Variants in ASGR1 observed in about 807,000 individuals in gnomAD.
ASGR1 encodes the protein C-type lectin domain family 4 member H1.
In ASGR1, 35 loss-of-function variants were observed where a neutral mutation model predicts 33.1. The ratio of observed to expected loss-of-function variants is 1.06; its 90% CI spans 0.81 to 1.40. ASGR1 has a LOEUF of 1.40. Among genes scored for constraint, ASGR1 ranks in the 40% most tolerant of loss-of-function variants. The pLI, the probability that ASGR1 is intolerant of heterozygous loss-of-function variation, is 0.00. For missense variants in ASGR1, 396 were observed against 373.7 expected (o/e 1.06, Z -0.49); for synonymous variants, 142 against 152.5 (o/e 0.93, Z 0.51).
Position 7,173,500 on chromosome 17 carries a change from G to A in ASGR1, c.*159C>T, listed in dbSNP as rs1024179274. ...TGATAACCTGCAAACTGCAGAAAGC[G>A]CCACGGGTTTCAAGCTCCTCACCTT... is the stretch of plus-strand genomic sequence containing the variant. On this transcript the variant is annotated 3_prime_UTR_variant, in exon 9 of 9. Transcript: ENST00000269299. This position sits in a 1 kb window ranked among gnomAD's most constrained non-coding sequence, Gnocchi z 4.7. 6 of 990,766 alleles carry A rather than the reference G, an allele frequency of 6.1e-6. No homozygotes were observed. Among genetic ancestry groups the A allele is most frequent in the South Asian group, 5.1e-5 (3 of 59,044 alleles). The allele number at this position is 990,766 out of a possible 1,614,324, so 61.4% of individuals were successfully genotyped here. A position where few individuals can be genotyped will look rare whatever the true frequency, so the allele number is the denominator to read the frequency against.
At chr17:7,177,419 A>C in intron 2 of ASGR1, 93 bp from the exon 3 acceptor site, 2 of 1,014,746 alleles carry the variant, frequency 2.0e-6, no homozygotes, top group East Asian at 5.1e-5. Context: ...AGGCGGCCCT[A>C]GTAGTCTAGG....
rs752046089 is a variant in ASGR1 at position 7,173,959 on chromosome 17, A to C, written c.701+2T>G. On this transcript the variant is annotated splice_donor_variant, in intron 8 of 8. Coordinates refer to ENST00000269299, the MANE Select transcript of ASGR1 (RefSeq NM_001671.5). LOFTEE classifies it high-confidence loss of function. The surrounding 1 kb of genome is among the most constrained non-coding windows in gnomAD (Gnocchi z 4.7). ...CCAGGCCGAGGGAGGGCGCGCACTC[A>C]CTTGAAGCCCGTCTCGTAGTCCGTC... The C allele has an allele frequency of 6.2e-7, 1 of 1,614,106 alleles. No homozygotes were observed. Among genetic ancestry groups the C allele is most frequent in the Non-Finnish European group, 8.5e-7 (1 of 1,179,964 alleles).
At chr17:7,176,695 C>T (rs2069218113) in intron 5 of ASGR1, 135 bp downstream of exon 5, 5 of 1,325,880 alleles carry the variant, frequency 3.8e-6, no homozygotes, top group Admixed American at 4.0e-5. Flanking sequence ...CTCATTCTCA[C>T]ACACAGACTC....
intron 5 of ASGR1, among the ~76,000 whole-genome samples, chr17:7,175,993 CAT>C (rs911132386): frequency 6.8e-6 from 1 of 147,378 alleles, no homozygotes; most frequent in African/African-American, 2.6e-5. Flanking sequence ...TACACTGACA[CAT>C]TCTCACACAT....
rs752690563 is a variant in ASGR1 at position 7,177,286 on chromosome 17, G to A, written c.111C>T (p.Ser37=). The part of the protein sequence containing the change: ...PPQPLLQRLC[S]GPRLLLLSLG... ...GGGAGAGCAGGAGGAGGCGAGGTCC[G>A]GAGCAGAGACGCTGCAGGAGGGGCT... Residue 37 remains serine, a synonymous_variant, in exon 3 of 9, where the codon TCC becomes TCT. Coordinates refer to ENST00000269299, the MANE Select transcript of ASGR1 (RefSeq NM_001671.5). The A allele has an allele frequency of 5.0e-6, 8 of 1,613,762 alleles. No individual in the cohort carries two copies. The highest frequency in any genetic ancestry group is 5.1e-6 in the Non-Finnish European group (6 of 1,179,912).
chr17:7,177,468 C>A lies in ASGR1; in HGVS notation c.71-142G>T, dbSNP rs770742164. The stretch of plus-strand genomic sequence containing the variant: ...ATGAAGAAATGCGGGCGGTGGGCGA[C>A]CCTGCAGGGCCAGAGGCAACTGGAA... On this transcript the variant is annotated intron_variant, in intron 2 of 8. Transcript: ENST00000269299. 1.6e-5 allele frequency: 10 copies of A among 633,500 alleles called. 1 individual carries two copies. The highest frequency in any genetic ancestry group is 2.7e-5 in the Non-Finnish European group (10 of 366,682). The allele number at this position is 633,500 out of a possible 1,614,324, so 39.2% of individuals were successfully genotyped here.
chr17:7,177,633 C>T (rs773851501), intron 2 of ASGR1: 1 of 299,070 alleles, frequency 3.3e-6, no homozygotes, highest in Non-Finnish European at 6.2e-6. Context: ...ACCCCCTCCT[C>T]CCGCGCCTTG....
chr17:7,176,537 A>ACACC (rs761944355), intron 5 of ASGR1: 15 of 478,032 alleles, frequency 3.1e-5, no homozygotes, highest in Non-Finnish European at 7.1e-6. Context: ...CCACACACAC[A>ACACC]CCATCTCATT....
intron 1 of ASGR1, 61 bp from the exon 2 acceptor site, chr17:7,178,649 G>T: frequency 8.3e-7 from 1 of 1,202,150 alleles, no homozygotes; most frequent in Non-Finnish European, 1.2e-6. Context: ...GTGGGAATGA[G>T]GGGCCCATCT....
chr17:7,175,089 AGAC>A (rs2069180548), intron 5 of ASGR1, among the ~76,000 whole-genome samples: 1 of 144,450 alleles, frequency 6.9e-6, no homozygotes, highest in Admixed American at 6.9e-5. Context: ...CCACATACAC[AGAC>A]AACACACAAA....
At position 7,174,503 on chromosome 17, in the gene ASGR1, C is replaced by G. The variant is rs114113707; in HGVS notation, c.356-43G>C. On this transcript the variant is annotated intron_variant, in intron 5 of 8. Transcript: ENST00000269299. ...AGGGGAGCGGGAGGAGATGCGGAAA[C>G]CACGGGGAGGGAAACGGGAAACGAG... The G allele has an allele frequency of 2.2e-3, 3,484 of 1,586,044 alleles. 79 individuals are homozygous for G. In the African/African-American group the frequency reaches 0.041, roughly 19 times the overall value.
chr17:7,173,732 ACGTCGTCGTTCCAGCGGC>A lies in ASGR1; in HGVS notation c.785_802del (p.Gly262_Asp267del). 4 of 1,613,778 alleles carry A rather than the reference ACGTCGTCGTTCCAGCGGC, an allele frequency of 2.5e-6. No individual in the cohort carries two copies. The highest frequency in any genetic ancestry group is 3.4e-6 in the Non-Finnish European group (4 of 1,180,028). On this transcript the variant is annotated inframe_deletion, in exon 9 of 9. Transcript: ENST00000269299. This position sits in a 1 kb window ranked among gnomAD's most constrained non-coding sequence, Gnocchi z 4.7. The stretch of plus-strand genomic sequence containing the variant: ...GACCCAGCGGTAGGGCCTCTGGCAG[ACGTCGTCGTTCCAGCGGC>A]CGTCGTCGGTGAAGTGGGCACAGTC...
chr17:7,176,692 T>C (rs961135356), intron 5 of ASGR1, 138 bp downstream of exon 5: 58 of 1,304,046 alleles, frequency 4.4e-5, no homozygotes, highest in Admixed American at 2.1e-5. Context: ...CCCCTCATTC[T>C]CACACACAGA....
Position 7,173,736 on chromosome 17 carries a change from C to A in ASGR1, c.799G>T (p.Asp267Tyr), listed in dbSNP as rs1244420390. The A allele has an allele frequency of 1.9e-6, 3 of 1,613,682 alleles. No individual in the cohort carries two copies. The highest frequency in any genetic ancestry group is 2.5e-6 in the Non-Finnish European group (3 of 1,180,032). The change falls in exon 9 of 9, where the codon GAC (aspartate) becomes TAC (tyrosine). Residue 267 changes from aspartate to tyrosine, a missense_variant. Transcript: ENST00000269299. The surrounding 1 kb of genome is among the most constrained non-coding windows in gnomAD (Gnocchi z 4.7). Reference sequence around the variant, plus strand: ...CAGCGGTAGGGCCTCTGGCAGACGTCGTCGTTCCAGCGGCCGTCGTCGGTG... The same window carrying A: ...CAGCGGTAGGGCCTCTGGCAGACGTAGTCGTTCCAGCGGCCGTCGTCGGTG... ...HFTDDGRWNDDVCQRPYRWVC... is the reference protein window; with the variant it reads ...HFTDDGRWNDYVCQRPYRWVC...
At chr17:7,178,247 C>G in intron 2 of ASGR1, 1 of 541,874 alleles carries the variant, frequency 1.8e-6, no homozygotes, top group Non-Finnish European at 3.3e-6. Flanking sequence ...TTCCCACACC[C>G]CCGGGTCCAC....
chr17:7,179,014 G>A (rs2142772415), intron 1 of ASGR1, 176 bp downstream of exon 1: 1 of 154,174 alleles, frequency 6.5e-6, no homozygotes, highest in African/African-American at 2.4e-5. Flanking sequence ...TGGGATTACA[G>A]GCGTGGACCA....
At position 7,177,079 on chromosome 17, in the gene ASGR1, G is replaced by A. The variant is rs1222408962; in HGVS notation, c.188-3C>T. ...CAGCTCCTCCTGCAGCTGGGAGTCT[G>A]GCCAGGACAGCGTGCAGAGAGAAGA... On this transcript the variant is annotated splice_polypyrimidine_tract_variant and splice_region_variant and intron_variant, in intron 3 of 8. Transcript: ENST00000269299. The A allele has an allele frequency of 1.2e-6, 2 of 1,613,642 alleles. No individual in the cohort carries two copies. Among genetic ancestry groups the A allele is most frequent in the Non-Finnish European group, 8.5e-7 (1 of 1,179,996 alleles).
chr17:7,175,513 CAT>C (rs200025328), intron 5 of ASGR1, among the ~76,000 whole-genome samples: 1,938 of 151,360 alleles, frequency 0.013, 29 homozygotes, highest in African/African-American at 0.044. Context: ...CCACAACACA[CAT>C]ATACTCTTTC....
intron 5 of ASGR1, among the ~76,000 whole-genome samples, chr17:7,175,823 ACT>A (rs1294284934): frequency 6.8e-6 from 1 of 146,754 alleles, no homozygotes; most frequent in East Asian, 2.0e-4. Flanking sequence ...ACAGACACAC[ACT>A]CAGACACACA....
Sources: gnomAD v4.1 joint callset for allele counts (sites outside exome capture counted in the v4.1 genomes callset) on GRCh38, gnomAD v4.1.1 for gene constraint, Gnocchi (gnomAD v3.1) non-coding constraint, MANE v1.5 for transcripts, NCBI Gene and HGNC (gene_info 2026-07-23, HGNC 2026-07-21) for gene names.